BANK1: variants seen among roughly 807,000 people sequenced by gnomAD.
BANK1 encodes the protein B-cell scaffold protein with ankyrin repeats.
BANK1 carries 95 observed loss-of-function variants against 94.5 expected under a neutral mutation model. That is an observed-to-expected ratio of 1.00 (90% CI 0.85 to 1.19). The LOEUF (loss-of-function observed/expected upper bound fraction) is 1.19, where lower values mean the gene tolerates loss of function less well. Among genes scored for constraint, BANK1 ranks in the 50% most tolerant of loss-of-function variants. BANK1 has a pLI of 0.00. For missense variants in BANK1, 987 were observed against 932.2 expected, an observed-to-expected ratio of 1.06 and a Z score of -0.77; for synonymous variants, 334 against 308.4, an observed-to-expected ratio of 1.08 and a Z score of -0.87.
intron 7 of BANK1, among the ~76,000 whole-genome samples, chr4:101,961,565 G>A (rs1724571275): frequency 6.6e-6 from 1 of 152,070 alleles, no homozygotes; most frequent in Non-Finnish European, 1.5e-5. Context: ...CAGTTTCCCT[G>A]TTTTTCTTGT....
intron 9 of BANK1, among the ~76,000 whole-genome samples, chr4:102,029,145 C>T (rs1259706842): frequency 6.6e-6 from 1 of 152,170 alleles, no homozygotes; most frequent in Admixed American, 6.5e-5. Flanking sequence ...CCTCTTACCT[C>T]AGCCTCCCAA....
intron 7 of BANK1, among the ~76,000 whole-genome samples, chr4:101,961,398 T>C (rs987257818): frequency 2.0e-5 from 3 of 152,162 alleles, no homozygotes; most frequent in Non-Finnish European, 4.4e-5. Flanking sequence ...CCAGGGAGTC[T>C]CACACATGAA....
At chr4:101,828,125 A>G (rs1726434554) in intron 1 of BANK1, among the ~76,000 whole-genome samples, 1 of 140,940 alleles carries the variant, frequency 7.1e-6, no homozygotes, top group South Asian at 2.3e-4. Context: ...GCTTTTTTCC[A>G]GAATTAATAT....
At chr4:102,042,137 A>T (rs1196517807) in intron 10 of BANK1, among the ~76,000 whole-genome samples, 2 of 152,088 alleles carry the variant, frequency 1.3e-5, no homozygotes, top group Non-Finnish European at 2.9e-5. Context: ...GCAAAAAAGC[A>T]TAGAGACCAC....
chr4:101,917,179 G>A lies in BANK1; in HGVS notation c.1010-814G>A, dbSNP rs1578397422. On this transcript the variant is annotated intron_variant, in intron 6 of 16. Coordinates refer to ENST00000322953, the MANE Select transcript of BANK1 (RefSeq NM_017935.5). Reference sequence around the variant, plus strand: ...TTGGTTTTGATTCCTTTGATTCTGTGGCTATAAGACTTCACCTTACTTCTG... The same window carrying A: ...TTGGTTTTGATTCCTTTGATTCTGTAGCTATAAGACTTCACCTTACTTCTG... 5.3e-5 allele frequency among the ~76,000 whole-genome samples: 8 copies of A among 152,006 alleles called. 2 individuals carry two copies. Among genetic ancestry groups the A allele is most frequent in the Admixed American group, 5.2e-4 (8 of 15,250 alleles).
chr4:101,901,068 C>T (rs11939175), intron 6 of BANK1, among the ~76,000 whole-genome samples: 5,087 of 152,194 alleles, frequency 0.033, 286 homozygotes, highest in African/African-American at 0.12. Flanking sequence ...GTGAAAAAAG[C>T]CCACAAAATA....
intron 3 of BANK1, among the ~76,000 whole-genome samples, chr4:101,855,845 A>G (rs986464413): frequency 2.0e-5 from 3 of 152,222 alleles, no homozygotes; most frequent in African/African-American, 7.2e-5. Flanking sequence ...AAATAAGAGT[A>G]TAATGTGGGG....
At chr4:101,957,577 G>C (rs1040516985) in intron 7 of BANK1, among the ~76,000 whole-genome samples, 2 of 152,082 alleles carry the variant, frequency 1.3e-5, no homozygotes, top group African/African-American at 4.8e-5. Flanking sequence ...AACTTAGAAG[G>C]GAAAACTCTT....
At chr4:101,946,951 A>G (rs961156101) in intron 7 of BANK1, among the ~76,000 whole-genome samples, 3 of 151,868 alleles carry the variant, frequency 2.0e-5, no homozygotes, top group Non-Finnish European at 2.9e-5. Context: ...TTTATGATGA[A>G]CTTAGTAGTT....
intron 7 of BANK1, among the ~76,000 whole-genome samples, chr4:101,995,236 G>T (rs1214673588): frequency 6.6e-6 from 1 of 152,070 alleles, no homozygotes; most frequent in African/African-American, 2.4e-5. Context: ...GAGAATGATG[G>T]TTTCCAACTT....
At chr4:102,014,216 A>G (rs932885616) in intron 7 of BANK1, among the ~76,000 whole-genome samples, 1 of 152,144 alleles carries the variant, frequency 6.6e-6, no homozygotes, top group African/African-American at 2.4e-5. Context: ...CAACTAGAGT[A>G]TAGTAAAAAT....
At chr4:102,021,883 T>G (rs898102160) in intron 8 of BANK1, among the ~76,000 whole-genome samples, 16 of 152,060 alleles carry the variant, frequency 1.1e-4, no homozygotes, top group Non-Finnish European at 2.4e-4. Flanking sequence ...ACTACATTTT[T>G]AAAGTTTTTT....
intron 1 of BANK1, among the ~76,000 whole-genome samples, chr4:101,811,653 AAAAATCAGGG>A (rs1725734459): frequency 6.6e-6 from 1 of 152,142 alleles, no homozygotes. Flanking sequence ...CCAAACCGTG[AAAAATCAGGG>A]CCATTTGTCA....
chr4:102,056,870 G>A (rs1578483782), intron 11 of BANK1, among the ~76,000 whole-genome samples: 1 of 152,176 alleles, frequency 6.6e-6, no homozygotes, highest in Non-Finnish European at 1.5e-5. Context: ...GCCAGTTATG[G>A]TGGCGCACGC....
chr4:101,901,755 GTTTTT>G (rs869230636), intron 6 of BANK1, among the ~76,000 whole-genome samples: 1 of 41,956 alleles, frequency 2.4e-5, no homozygotes, highest in African/African-American at 5.7e-5. Context: ...GACGCTTTTT[GTTTTT>G]TTGTTTTTGT....
At chr4:101,873,216 TTA>T (rs1728362740) in intron 5 of BANK1, among the ~76,000 whole-genome samples, 1 of 152,164 alleles carries the variant, frequency 6.6e-6, no homozygotes, top group Non-Finnish European at 1.5e-5. Context: ...TAGTTACTGT[TTA>T]TATGTCAGAA....
chr4:102,002,724 A>G (rs781479679), intron 7 of BANK1, among the ~76,000 whole-genome samples: 1 of 152,176 alleles, frequency 6.6e-6, no homozygotes, highest in Non-Finnish European at 1.5e-5. Context: ...ACAAACCTGG[A>G]CAGAGAACTC....
intron 6 of BANK1, among the ~76,000 whole-genome samples, chr4:101,908,758 A>G (rs937131401): frequency 2.0e-5 from 3 of 152,254 alleles, no homozygotes; most frequent in Non-Finnish European, 4.4e-5. Flanking sequence ...ATATGAACAG[A>G]TACTTCTCAA....
chr4:102,073,811 G>C (rs767317174), intron 16 of BANK1, 63 bp downstream of exon 16: 12 of 1,293,842 alleles, frequency 9.3e-6, no homozygotes, highest in Non-Finnish European at 1.2e-5. Context: ...GGACTTGAAG[G>C]TATCATTTGT....
Sources: allele counts gnomAD v4.1 joint callset (sites outside exome capture counted in the v4.1 genomes callset), GRCh38; gene constraint gnomAD v4.1.1; transcripts MANE v1.5; gene names NCBI Gene and HGNC (gene_info 2026-07-23, HGNC 2026-07-21).